Variants in DPP6 observed in about 807,000 individuals in gnomAD.
DPP6 encodes A-type potassium channel modulatory protein DPP6.
A neutral mutation model predicts 122.6 loss-of-function variants in DPP6; 69 were observed. That is an observed-to-expected ratio of 0.56 (90% confidence interval 0.46 to 0.69). The LOEUF (loss-of-function observed/expected upper bound fraction) is 0.69, where lower values mean the gene tolerates loss of function less well. Among genes scored for constraint, DPP6 ranks in the 30% least tolerant of loss-of-function variants. DPP6 has a pLI of 0.00. For synonymous variants in DPP6, 418 were observed against 433.1 expected (o/e 0.97, Z 0.43); for missense variants, 928 against 1,116.9 (o/e 0.83, Z 2.41).
chr7:154,483,401 T>TTTA lies in DPP6; in HGVS notation c.457+8364_457+8365insTTA, dbSNP rs61038137. 4.0e-5 allele frequency among the ~76,000 whole-genome samples: 6 copies of TTTA among 151,248 alleles called. No homozygotes were observed. The highest frequency in any genetic ancestry group is 1.2e-4 in the African/African-American group (5 of 41,130). ...AGGCACAATACAATTTTTTTTTTTT[T>TTTA]AAAAGCATTTATTTGAGCAAACAGT... On this transcript the variant is annotated intron_variant, in intron 3 of 25. Coordinates refer to ENST00000377770, the MANE Select transcript of DPP6 (RefSeq NM_130797.4). The surrounding 1 kb of genome is among the most constrained non-coding windows in gnomAD (Gnocchi z 8.1).
upstream of DPP6, among the ~76,000 whole-genome samples, chr7:153,886,900 G>A (rs1039142004): frequency 1.3e-5 from 2 of 152,116 alleles, no homozygotes; most frequent in African/African-American, 2.4e-5. Context: ...CCCGGCTGCG[G>A]ACGGCGGCTC....
chr7:154,702,354 G>A (rs796718894), intron 7 of DPP6, among the ~76,000 whole-genome samples: 6 of 152,252 alleles, frequency 3.9e-5, no homozygotes, highest in African/African-American at 1.4e-4. Flanking sequence ...AAATGAGTAA[G>A]CTTAATGAGG....
At chr7:154,011,707 G>A (rs1227616773) in intron 1 of DPP6, among the ~76,000 whole-genome samples, 5 of 152,164 alleles carry the variant, frequency 3.3e-5, no homozygotes, top group Admixed American at 6.6e-5. Flanking sequence ...CAAAAAAAGC[G>A]AGTTTTTAAA....
chr7:154,523,823 G>A (rs1827191433), intron 3 of DPP6, among the ~76,000 whole-genome samples: 1 of 152,156 alleles, frequency 6.6e-6, no homozygotes, highest in African/African-American at 2.4e-5. Flanking sequence ...TCGAAGGGGA[G>A]ATTAATGGGC....
At chr7:153,797,269 G>A in the DPP6 span, among the ~76,000 whole-genome samples, 3 of 152,028 alleles carry the variant, frequency 2.0e-5, no homozygotes, top group Non-Finnish European at 2.9e-5. Flanking sequence ...TGAATTTGGG[G>A]GTAATTTGTT....
At chr7:154,523,589 T>C (rs1367245502) in intron 3 of DPP6, among the ~76,000 whole-genome samples, 1 of 152,232 alleles carries the variant, frequency 6.6e-6, no homozygotes, top group African/African-American at 2.4e-5. Flanking sequence ...TCTTTAAGCC[T>C]GGATCAAATT....
intron 1 of DPP6, among the ~76,000 whole-genome samples, chr7:154,337,780 C>T (rs1020943594): frequency 7.2e-5 from 11 of 152,220 alleles, no homozygotes; most frequent in African/African-American, 2.7e-4. Flanking sequence ...TGAAGGCTCA[C>T]GCCCAGGGAG....
At chr7:154,285,453 C>T (rs886085374) in intron 1 of DPP6, among the ~76,000 whole-genome samples, 1 of 152,130 alleles carries the variant, frequency 6.6e-6, no homozygotes, top group Non-Finnish European at 1.5e-5. Context: ...TTAGTAGAGA[C>T]GGGGTTTCAC....
chr7:153,958,302 C>T (rs890578510), intron 1 of DPP6, among the ~76,000 whole-genome samples: 2 of 152,280 alleles, frequency 1.3e-5, no homozygotes, highest in Middle Eastern at 3.4e-3. Flanking sequence ...TGGGCTTTGT[C>T]ATCTTCACAG....
Position 154,446,334 on chromosome 7 carries a change from G to C in DPP6, c.358+6G>C. 6.3e-7 allele frequency: 1 copy of C among 1,594,698 alleles called. No individual in the cohort carries two copies. The highest frequency in any genetic ancestry group is 8.5e-7 in the Non-Finnish European group (1 of 1,171,256). The stretch of plus-strand genomic sequence containing the variant: ...GGTCATACTTCTGACACCAGGTACT[G>C]TATTCATTCTTGGAAAAGCAAGTCG... On this transcript the variant is annotated splice_donor_region_variant and intron_variant, in intron 2 of 25. Transcript: ENST00000377770.
At chr7:153,823,608 C>G in the DPP6 span, among the ~76,000 whole-genome samples, 1 of 79,382 alleles carries the variant, frequency 1.3e-5, no homozygotes, top group Non-Finnish European at 2.7e-5. Flanking sequence ...TCCAGAATAT[C>G]AGGAAAGGGA....
upstream of DPP6, among the ~76,000 whole-genome samples, chr7:154,050,748 C>G (rs28508192): frequency 2.0e-5 from 3 of 150,976 alleles, no homozygotes. Context: ...CAGCAAGTTT[C>G]GCTTAGCTGT....
intron 1 of DPP6, among the ~76,000 whole-genome samples, chr7:153,963,261 C>T (rs1795451208): frequency 6.6e-6 from 1 of 151,824 alleles, no homozygotes; most frequent in Non-Finnish European, 1.5e-5. Flanking sequence ...TCATAAGGAG[C>T]TTTGCCACCC....
the DPP6 span, among the ~76,000 whole-genome samples, chr7:153,823,075 A>G: frequency 1.3e-5 from 2 of 151,986 alleles, no homozygotes; most frequent in African/African-American, 4.8e-5. Flanking sequence ...AATAGTCCTT[A>G]GCAATCACAC....
At position 154,874,157 on chromosome 7, in the gene DPP6, G is replaced by T. The variant is rs556879043; in HGVS notation, c.1883+1464G>T. On this transcript the variant is annotated intron_variant, in intron 19 of 25. Transcript: ENST00000377770. ...ACACATGTGCACACACACCACACAC[G>T]TTTCCTGCCTCCTTTCTCTTACTAA... 4.6e-5 allele frequency among the ~76,000 whole-genome samples: 7 copies of T among 152,106 alleles called. No homozygotes were observed. In the South Asian group the frequency reaches 1.5e-3, roughly 32 times the overall value.
intron 1 of DPP6, among the ~76,000 whole-genome samples, chr7:153,953,712 T>G (rs565266574): frequency 6.6e-6 from 1 of 152,332 alleles, no homozygotes; most frequent in African/African-American, 2.4e-5. Context: ...TTAGTCAGCA[T>G]TCTCCAGAGA....
At position 154,875,380 on chromosome 7, in the gene DPP6, C is replaced by T. The variant is rs575942559; in HGVS notation, c.1884-526C>T. Among the ~76,000 whole-genome samples the T allele has an allele frequency of 2.0e-4, 31 of 152,150 alleles. No individual in the cohort carries two copies. The highest frequency in any genetic ancestry group is 4.8e-4 in the African/African-American group (20 of 41,512). ...CCAGAGCCAATGGCTCCTTGACTCC[C>T]GAGCAGAGGGAGGGAGAAAGGCCAC... On this transcript the variant is annotated intron_variant, in intron 19 of 25. Transcript: ENST00000377770. The surrounding 1 kb of genome is among the most constrained non-coding windows in gnomAD (Gnocchi z 4.5).
chr7:154,246,608 A>T (rs2150886718), intron 1 of DPP6, among the ~76,000 whole-genome samples: 1 of 152,354 alleles, frequency 6.6e-6, no homozygotes, highest in African/African-American at 2.4e-5. Context: ...AACAAATTTC[A>T]ATAACTTCCA....
the DPP6 span, among the ~76,000 whole-genome samples, chr7:153,813,615 G>T: frequency 0.035 from 5,294 of 151,866 alleles, 111 homozygotes; most frequent in South Asian, 0.11. Context: ...ACTTCCACAA[G>T]GGTTGAACTA....
Sources: allele counts gnomAD v4.1 joint callset (sites outside exome capture counted in the v4.1 genomes callset), GRCh38; gene constraint gnomAD v4.1.1; non-coding constraint Gnocchi (gnomAD v3.1); transcripts MANE v1.5; gene names NCBI Gene and HGNC (gene_info 2026-07-23, HGNC 2026-07-21).